The following XDH variants were observed in gnomAD, a reference collection of about 807,000 sequenced individuals.
The protein encoded by XDH is xanthine dehydrogenase/oxidase.
In XDH, 138 loss-of-function variants were observed where a neutral mutation model predicts 156.1. That is an observed-to-expected ratio of 0.88 (90% confidence interval 0.77 to 1.02). XDH has a LOEUF of 1.02. XDH is among the 50% of genes least tolerant of loss of function. The pLI is 0.00. For missense variants in XDH, 1,849 were observed against 1,684.9 expected (o/e 1.10, Z -1.71); for synonymous variants, 669 against 625.7 (o/e 1.07, Z -1.03).
chr2:31,390,357 T>C (rs1246633916), intron 6 of XDH, among the ~76,000 whole-genome samples: 1 of 152,226 alleles, frequency 6.6e-6, no homozygotes, highest in African/African-American at 2.4e-5. Flanking sequence ...GCTCCTTTCA[T>C]TTTGGCACTG....
At chr2:31,356,851 T>C (rs1458036438) in intron 24 of XDH, among the ~76,000 whole-genome samples, 1 of 152,132 alleles carries the variant, frequency 6.6e-6, no homozygotes, top group African/African-American at 2.4e-5. Context: ...CTCAACATAC[T>C]TCAAAGAATT....
At position 31,368,800 on chromosome 2, in the gene XDH, T is replaced by C. The variant is rs1685993211; in HGVS notation, c.1981-140A>G. The C allele has an allele frequency of 4.7e-6, 7 of 1,500,572 alleles. No individual in the cohort carries two copies. The South Asian group carries it at 7.2e-5, about 15-fold the overall frequency. 93.0% of individuals were successfully genotyped at this position (1,500,572 alleles called of 1,614,324 possible). A position where few individuals can be genotyped will look rare whatever the true frequency, so the allele number is the denominator to read the frequency against. On this transcript the variant is annotated intron_variant, in intron 18 of 35. Transcript: ENST00000379416. ...TTAGGAATGCCCTAGGGCCTCTTAATTTCCTTATCCTACTGATTGAGGATC... is the reference window on the plus strand; with the variant it reads ...TTAGGAATGCCCTAGGGCCTCTTAACTTCCTTATCCTACTGATTGAGGATC...
rs1201747376 is a variant in XDH, at chr2:31,388,303, G to C, written c.496-8C>G. 1.2e-6 allele frequency: 2 copies of C among 1,614,018 alleles called. No individual in the cohort carries two copies. Among genetic ancestry groups the C allele is most frequent in the South Asian group, 2.2e-5 (2 of 91,076 alleles). On this transcript the variant is annotated splice_region_variant and splice_polypyrimidine_tract_variant and intron_variant, in intron 6 of 35. Transcript: ENST00000379416. ...TCCACAGCATCCACCATCCTAGAGA[G>C]ATGATGAACATCTGCACAAGGGTAT...
intron 11 of XDH, 94 bp from the exon 12 acceptor site, chr2:31,381,820 C>T: frequency 8.7e-7 from 1 of 1,147,044 alleles, no homozygotes; most frequent in Non-Finnish European, 1.3e-6. Context: ...GTGACACCTG[C>T]TGCAGGCAAA....
At position 31,339,474 on chromosome 2, in the gene XDH, C is replaced by A. The variant is rs202125003; in HGVS notation, c.3774+15G>T. 1 of 1,613,668 alleles carries A rather than the reference C, an allele frequency of 6.2e-7. No homozygotes were observed. Among genetic ancestry groups the A allele is most frequent in the African/African-American group, 1.3e-5 (1 of 75,052 alleles). On this transcript the variant is annotated intron_variant, in intron 34 of 35. Transcript: ENST00000379416. The stretch of plus-strand genomic sequence containing the variant: ...GCAGATCAGAAGAGACAGCACAGAG[C>A]CAGAGCAATGGTACCTTCGATGCAT...
At chr2:31,405,271 A>T (rs192281934) in intron 2 of XDH, among the ~76,000 whole-genome samples, 1 of 152,070 alleles carries the variant, frequency 6.6e-6, no homozygotes, top group Non-Finnish European at 1.5e-5. Context: ...ATTAACTCCA[A>T]TTATTATTAT....
intron 24 of XDH, among the ~76,000 whole-genome samples, chr2:31,351,945 A>C (rs982232096): frequency 6.6e-6 from 1 of 152,226 alleles, no homozygotes; most frequent in Non-Finnish European, 1.5e-5. Context: ...TCAGGTTTCT[A>C]AATTTCATAA....
intron 6 of XDH, among the ~76,000 whole-genome samples, chr2:31,396,818 T>C (rs1183364729): frequency 6.6e-6 from 1 of 152,148 alleles, no homozygotes; most frequent in East Asian, 1.9e-4. Context: ...TTAATCAGAG[T>C]GTGGTGTTTT....
At chr2:31,379,423 T>C (rs372140906) in intron 13 of XDH, among the ~76,000 whole-genome samples, 11 of 152,196 alleles carry the variant, frequency 7.2e-5, no homozygotes, top group African/African-American at 2.4e-4. Flanking sequence ...TCCTCTGACA[T>C]GGGCAGGAAT....
chr2:31,365,319 C>A, intron 23 of XDH, 138 bp downstream of exon 23: 1 of 896,834 alleles, frequency 1.1e-6, no homozygotes, highest in East Asian at 2.6e-5. Context: ...ATTTGAATTT[C>A]TCTTCTTGCT....
chr2:31,395,713 C>G (rs1026489715), intron 6 of XDH, among the ~76,000 whole-genome samples: 2 of 152,206 alleles, frequency 1.3e-5, no homozygotes, highest in African/African-American at 4.8e-5. Context: ...GGTTTCTGCT[C>G]TGATATGCCG....
chr2:31,367,825 A>G, intron 20 of XDH, 136 bp downstream of exon 20: 1 of 872,558 alleles, frequency 1.1e-6, no homozygotes, highest in Non-Finnish European at 2.0e-6. Flanking sequence ...CTATTTTGCT[A>G]CAAACGTAAG....
chr2:31,355,360 T>C (rs545196552), intron 24 of XDH, among the ~76,000 whole-genome samples: 6 of 152,004 alleles, frequency 3.9e-5, no homozygotes, highest in Non-Finnish European at 8.8e-5. Flanking sequence ...ATAAGCAAAA[T>C]CATGGGTACA....
intron 24 of XDH, among the ~76,000 whole-genome samples, chr2:31,361,820 A>C (rs113394172): frequency 0.015 from 2,289 of 152,318 alleles, 55 homozygotes; most frequent in African/African-American, 0.053. Flanking sequence ...TTTTACAAAC[A>C]AAACTCAAGC....
intron 4 of XDH, 93 bp from the exon 5 acceptor site, chr2:31,398,792 A>G (rs550282075): frequency 6.3e-7 from 1 of 1,584,816 alleles, no homozygotes; most frequent in Non-Finnish European, 8.6e-7. Context: ...GTTGAGAGAT[A>G]GTGGGGGTAG....
chr2:31,347,226 C>T (rs1022219973), intron 29 of XDH, among the ~76,000 whole-genome samples: 1 of 152,212 alleles, frequency 6.6e-6, no homozygotes, highest in Non-Finnish European at 1.5e-5. Flanking sequence ...GCCCATTGTC[C>T]TATTGCTAGC....
chr2:31,355,515 G>A (rs573939215), intron 24 of XDH, among the ~76,000 whole-genome samples: 15 of 152,194 alleles, frequency 9.9e-5, no homozygotes, highest in African/African-American at 3.4e-4. Context: ...GAGTCATAAA[G>A]GGAGGTAAGT....
intron 17 of XDH, among the ~76,000 whole-genome samples, chr2:31,371,851 T>C (rs968235880): frequency 1.1e-4 from 16 of 152,176 alleles, no homozygotes; most frequent in African/African-American, 3.9e-4. Context: ...GGGCTTTTCC[T>C]AGCTGATCTG....
chr2:31,376,322 T>C (rs548506475), intron 14 of XDH, among the ~76,000 whole-genome samples: 1 of 150,070 alleles, frequency 6.7e-6, no homozygotes, highest in East Asian at 1.9e-4. Flanking sequence ...ATAATAGTAG[T>C]AACAGAAGCA....
Sources: allele counts gnomAD v4.1 joint callset (sites outside exome capture counted in the v4.1 genomes callset), GRCh38; gene constraint gnomAD v4.1.1; transcripts MANE v1.5; gene names NCBI Gene and HGNC (gene_info 2026-07-23, HGNC 2026-07-21).